The following AKT3 variants were observed in gnomAD, a reference collection of about 807,000 sequenced individuals.
The protein encoded by AKT3 is RAC-gamma serine/threonine-protein kinase.
In AKT3, 15 loss-of-function variants were observed where a neutral mutation model predicts 65.3. That is an observed-to-expected ratio of 0.23 (90% CI 0.15 to 0.35). The LOEUF is 0.35. Among genes scored for constraint, AKT3 ranks in the 10% least tolerant of loss-of-function variants. The pLI is 1.00. For synonymous variants in AKT3, 206 were observed against 183.8 expected (o/e 1.12, Z -0.98); for missense variants, 243 against 576.5 (o/e 0.42, Z 5.92).
intron 13 of AKT3, chr1:243,488,509 A>G (rs1369799760): frequency 1.0e-5 from 2 of 199,218 alleles, no homozygotes; most frequent in African/African-American, 2.3e-5. Context: ...AGGAGCGCCC[A>G]TCAGCAGAAT....
chr1:243,630,344 AAT>A (rs1307181905), intron 6 of AKT3, among the ~76,000 whole-genome samples: 1 of 152,208 alleles, frequency 6.6e-6, no homozygotes. Context: ...CTCTATGCAT[AAT>A]CCACCCTGGG....
intron 3 of AKT3, among the ~76,000 whole-genome samples, chr1:243,693,142 T>C (rs541926666): frequency 3.1e-4 from 47 of 149,804 alleles, no homozygotes; most frequent in African/African-American, 7.3e-4. Context: ...AAGCCTATTT[T>C]GGTAAAATTT....
chr1:243,641,900 C>T (rs1203109782), intron 5 of AKT3, among the ~76,000 whole-genome samples: 1 of 152,108 alleles, frequency 6.6e-6, no homozygotes, highest in Non-Finnish European at 1.5e-5. Context: ...TGTGCCACTG[C>T]ACTCCAGCCT....
At chr1:243,797,859 CA>C (rs549254438) in intron 2 of AKT3, among the ~76,000 whole-genome samples, 28 of 123,634 alleles carry the variant, frequency 2.3e-4, no homozygotes, top group South Asian at 5.1e-4. Context: ...GTTAGGATAA[CA>C]AAAAAAAAAA....
chr1:243,527,920 CACACACACACACACACAGAGAG>C (rs1454224140), intron 12 of AKT3, among the ~76,000 whole-genome samples: 48 of 91,038 alleles, frequency 5.3e-4, no homozygotes, highest in Middle Eastern at 4.5e-3. Context: ...CACACACACA[CACACACACACACACACAGAGAG>C]AGAGAGAGAG....
At chr1:243,499,714 GA>G (rs751875793), downstream of AKT3, 1 of 1,476,062 alleles carries the variant, frequency 6.8e-7, no homozygotes, top group African/African-American at 1.4e-5. Context: ...TAACATTGAA[GA>G]ACATGAGCTA....
chr1:243,830,163 T>C (rs779831477), intron 2 of AKT3, among the ~76,000 whole-genome samples: 3 of 152,218 alleles, frequency 2.0e-5, no homozygotes, highest in African/African-American at 7.2e-5. Context: ...CATTATTCCC[T>C]AAACAGGACA....
chr1:243,500,036 GC>G lies in AKT3; in HGVS notation c.*5212del. On this transcript the variant is annotated 3_prime_UTR_variant, in exon 14 of 14. Coordinates refer to ENST00000673466, the MANE Select transcript of AKT3 (RefSeq NM_005465.7). The stretch of plus-strand genomic sequence containing the variant: ...GGCTTGAAGTTATGTGTTTAAATCT[GC>G]TCATTCGTATGCTAGGTTATACATA... 2 of 545,072 alleles carry G rather than the reference GC, an allele frequency of 3.7e-6. No individual in the cohort carries two copies. The highest frequency in any genetic ancestry group is 3.3e-6 in the Non-Finnish European group (1 of 306,806). 33.8% of individuals were successfully genotyped at this position (545,072 alleles called of 1,614,324 possible).
chr1:243,729,670 G>C (rs9782958), intron 2 of AKT3, among the ~76,000 whole-genome samples: 39,465 of 151,858 alleles, frequency 0.26, 5,904 homozygotes, highest in African/African-American at 0.4. Context: ...ATGGGAAAAC[G>C]TTCATAATAT....
At chr1:243,566,494 A>G (rs1428336935) in intron 9 of AKT3, among the ~76,000 whole-genome samples, 2 of 152,160 alleles carry the variant, frequency 1.3e-5, no homozygotes, top group African/African-American at 2.4e-5. Context: ...AAGAAATAAG[A>G]TAAGCCTAAG....
At chr1:243,762,438 T>C (rs1689547416) in intron 2 of AKT3, among the ~76,000 whole-genome samples, 1 of 152,112 alleles carries the variant, frequency 6.6e-6, no homozygotes, top group African/African-American at 2.4e-5. Context: ...GTATAATCAA[T>C]GATCCACCCT....
rs1419663465 is a variant in AKT3, at chr1:243,573,048, G to A, written c.697C>T (p.Leu233=). The change falls in exon 9 of 14, where the codon CTG becomes TTG. Residue 233 remains leucine (L), a splice_region_variant and synonymous_variant. Transcript: ENST00000673466. ...CGCTCTCTCGACAAATGGAAAAACA[G>A]CTGCAGGGTAAACAGCAGGGACAGG... ...FVMEYVNGGE[L]FFHLSRERVF... 1.2e-6 allele frequency: 2 copies of A among 1,612,460 alleles called. No homozygotes were observed. Among genetic ancestry groups the A allele is most frequent in the African/African-American group, 1.3e-5 (1 of 74,858 alleles).
chr1:243,746,165 A>C (rs1688463064), intron 2 of AKT3, among the ~76,000 whole-genome samples: 1 of 152,040 alleles, frequency 6.6e-6, no homozygotes, highest in South Asian at 2.1e-4. Flanking sequence ...ACTCAAACAT[A>C]GGGAGTACTT....
chr1:243,490,189 G>A (rs1006883051), intron 13 of AKT3, among the ~76,000 whole-genome samples: 1 of 152,200 alleles, frequency 6.6e-6, no homozygotes, highest in Non-Finnish European at 1.5e-5. Flanking sequence ...TTTCCCACTC[G>A]GTCCAAAATC....
intron 2 of AKT3, among the ~76,000 whole-genome samples, chr1:243,775,764 GTTTAATACAGAAC>G (rs1471645187): frequency 6.6e-6 from 1 of 152,058 alleles, no homozygotes; most frequent in African/African-American, 2.4e-5. Flanking sequence ...GATCCATAAT[GTTTAATACAGAAC>G]TTTACAAAAT....
At chr1:243,818,616 T>C (rs1693671653) in intron 2 of AKT3, among the ~76,000 whole-genome samples, 1 of 152,130 alleles carries the variant, frequency 6.6e-6, no homozygotes, top group Admixed American at 6.5e-5. Context: ...ACATAAAGTT[T>C]ACCCAACAAT....
intron 4 of AKT3, among the ~76,000 whole-genome samples, chr1:243,653,751 T>C (rs1681553819): frequency 6.6e-6 from 1 of 152,354 alleles, no homozygotes; most frequent in African/African-American, 2.4e-5. Context: ...GTTACATGTG[T>C]TGATGACTGC....
chr1:243,505,401 G>T (rs1468516053), intron 13 of AKT3, 67 bp from the exon 14 acceptor site: 2 of 1,399,952 alleles, frequency 1.4e-6, no homozygotes, highest in Non-Finnish European at 2.0e-6. Flanking sequence ...TCTAGTCTAT[G>T]TTTTTTAAAC....
At chr1:243,707,656 G>A (rs1685886990) in intron 2 of AKT3, among the ~76,000 whole-genome samples, 1 of 151,954 alleles carries the variant, frequency 6.6e-6, no homozygotes, top group African/African-American at 2.4e-5. Flanking sequence ...TTTGTTACAT[G>A]GATATACAGC....
Sources: allele counts gnomAD v4.1 joint callset (sites outside exome capture counted in the v4.1 genomes callset), GRCh38; gene constraint gnomAD v4.1.1; transcripts MANE v1.5; gene names NCBI Gene and HGNC (gene_info 2026-07-23, HGNC 2026-07-21).